SLC13A2: variants seen among roughly 807,000 people sequenced by gnomAD.
SLC13A2 encodes Na(+)-coupled citrate transporter.
A neutral mutation model predicts 58.5 loss-of-function variants in SLC13A2; 40 were observed. The observed-to-expected ratio is 0.68, with a 90% CI of 0.53 to 0.89. The LOEUF (loss-of-function observed/expected upper bound fraction) is 0.89. Ranked by LOEUF, SLC13A2 falls within the 40% of genes least tolerant of loss-of-function variation. The pLI is 0.00. For synonymous variants in SLC13A2, 341 were observed against 331.6 expected, an observed-to-expected ratio of 1.03 and a Z score of -0.31; for missense variants, 694 against 772.6, an observed-to-expected ratio of 0.90 and a Z score of 1.21.
At chr17:28,495,143 T>C (rs1422567242) in intron 9 of SLC13A2, among the ~76,000 whole-genome samples, 1 of 152,158 alleles carries the variant, frequency 6.6e-6, no homozygotes, top group Non-Finnish European at 1.5e-5. Context: ...CCTTACAGCC[T>C]GGCATTCCAG....
Position 28,494,153 on chromosome 17 carries a change from C to T in SLC13A2, c.1186+48C>T, listed in dbSNP as rs1555604180. The T allele has an allele frequency of 4.5e-6, 7 of 1,567,878 alleles. No homozygotes were observed. The highest frequency in any genetic ancestry group is 6.1e-6 in the Non-Finnish European group (7 of 1,138,752). On this transcript the variant is annotated intron_variant, in intron 8 of 11. Transcript: ENST00000314669. This position sits in a 1 kb window ranked among gnomAD's most constrained non-coding sequence, Gnocchi z 4.0. ...GGAAGGGTCTCCGGGCAGCCCCTGC[C>T]TTCAAGTATGTAATGTACCTTCCAC...
intron 1 of SLC13A2, among the ~76,000 whole-genome samples, chr17:28,485,941 C>T (rs1264149653): frequency 1.3e-5 from 2 of 152,024 alleles, no homozygotes; most frequent in African/African-American, 2.4e-5. Flanking sequence ...CTGCAGTCAG[C>T]CTTGATCACA....
chr17:28,495,922 C>T, intron 10 of SLC13A2, 106 bp downstream of exon 10: 1 of 1,371,598 alleles, frequency 7.3e-7, no homozygotes, highest in South Asian at 1.4e-5. Flanking sequence ...TCCTCTTTTC[C>T]TTTTCCTGAA....
chr17:28,495,964 C>T (rs1173187483), intron 10 of SLC13A2, 148 bp downstream of exon 10: 2 of 1,087,898 alleles, frequency 1.8e-6, no homozygotes, highest in African/African-American at 3.2e-5. Flanking sequence ...CTTCTCCAGG[C>T]TCTTGAGCCA....
In SLC13A2 at chr17:28,493,571, C is replaced by T. The variant is rs781878776; in HGVS notation, c.879C>T (p.Asn293=). The T allele has an allele frequency of 1.5e-5, 24 of 1,600,018 alleles. No homozygotes were observed. Among genetic ancestry groups the T allele is most frequent in the Non-Finnish European group, 2.1e-5 (24 of 1,170,234 alleles). Residue 293 remains asparagine (N), a splice_region_variant and synonymous_variant, in exon 7 of 12, where the codon AAC becomes AAT. Coordinates refer to ENST00000314669, the MANE Select transcript of SLC13A2 (RefSeq NM_003984.4). ...LWLQILFLGF[N]FRKNFGIGEK... ...AGCTGCCCCGTCCCTCTGCCTGCAG[C>T]TTCCGGAAGAACTTTGGCATTGGGG...
At position 28,494,681 on chromosome 17, in the gene SLC13A2, T is replaced by C. The variant is rs956226995; in HGVS notation, c.1308+169T>C. Among the ~76,000 whole-genome samples the C allele has an allele frequency of 6.6e-6, 1 of 152,000 alleles. No homozygotes were observed. The highest frequency in any genetic ancestry group is 1.5e-5 in the Non-Finnish European group (1 of 67,980). ...GGGAAGACTTAGGTTAGAGCCCTCATGTGGGAGGAAGAAACACAAGCCCTA... is the reference window on the plus strand; with the variant it reads ...GGGAAGACTTAGGTTAGAGCCCTCACGTGGGAGGAAGAAACACAAGCCCTA... On this transcript the variant is annotated intron_variant, in intron 9 of 11. Coordinates refer to ENST00000314669, the MANE Select transcript of SLC13A2 (RefSeq NM_003984.4). The surrounding 1 kb of genome is among the most constrained non-coding windows in gnomAD (Gnocchi z 4.0).
chr17:28,477,154 T>C (rs1370668592), intron 1 of SLC13A2, among the ~76,000 whole-genome samples: 2 of 149,042 alleles, frequency 1.3e-5, no homozygotes, highest in African/African-American at 4.9e-5. Context: ...AGCAAGACTC[T>C]ATCTCAAAAA....
chr17:28,477,951 G>A (rs1455071727), intron 1 of SLC13A2, among the ~76,000 whole-genome samples: 18 of 152,096 alleles, frequency 1.2e-4, no homozygotes, highest in African/African-American at 3.6e-4. Context: ...CCAGCTACTC[G>A]GGAGGCTGGG....
chr17:28,487,087 C>T (rs991948313), intron 1 of SLC13A2, among the ~76,000 whole-genome samples: 1 of 152,230 alleles, frequency 6.6e-6, no homozygotes, highest in South Asian at 2.1e-4. Context: ...CGTGAGCCGC[C>T]ATGCCCAGCC....
chr17:28,486,951 C>G (rs2068893680), intron 1 of SLC13A2, among the ~76,000 whole-genome samples: 1 of 152,152 alleles, frequency 6.6e-6, no homozygotes. Flanking sequence ...GTGCTCACCA[C>G]CACAACCAGC....
At chr17:28,493,499 G>T (rs2069069148) in intron 6 of SLC13A2, 72 bp from the exon 7 acceptor site, 1 of 1,300,704 alleles carries the variant, frequency 7.7e-7, no homozygotes, top group African/African-American at 1.5e-5. Context: ...CCTTTAGATG[G>T]TAGGCACTCA....
At position 28,496,528 on chromosome 17, in the gene SLC13A2, G is replaced by A; in HGVS notation, c.1549G>A (p.Val517Met). 6.2e-7 allele frequency: 1 copy of A among 1,613,654 alleles called. No individual in the cohort carries two copies. The highest frequency in any genetic ancestry group is 8.5e-7 in the Non-Finnish European group (1 of 1,179,778). Residue 517 changes from valine to methionine, a missense_variant, in exon 11 of 12, where the codon GTG becomes ATG. Val to Met is a conservative substitution (Grantham distance 21). Transcript: ENST00000314669. The surrounding 1 kb of genome is among the most constrained non-coding windows in gnomAD (Gnocchi z 4.2). ...CACCTCCCTGGCCTTCATGTTGCCT[G>A]TGGCCACCCCGCCCAATGCCATCGT... ...LATSLAFMLPVATPPNAIVFS... is the reference protein window; with the variant it reads ...LATSLAFMLPMATPPNAIVFS...
intron 1 of SLC13A2, among the ~76,000 whole-genome samples, chr17:28,481,063 G>A (rs1555601033): frequency 6.6e-6 from 1 of 152,198 alleles, no homozygotes; most frequent in Non-Finnish European, 1.5e-5. Context: ...ATCGGCACCT[G>A]CTAGGTGAAG....
intron 6 of SLC13A2, among the ~76,000 whole-genome samples, chr17:28,492,460 G>C (rs2069047569): frequency 6.6e-6 from 1 of 152,218 alleles, no homozygotes; most frequent in African/African-American, 2.4e-5. Flanking sequence ...GGTAGAGAAT[G>C]GGTGAAGAAA....
intron 1 of SLC13A2, among the ~76,000 whole-genome samples, chr17:28,482,005 GGTTTGTTTGTTT>G (rs372987612): frequency 1.3e-5 from 2 of 151,850 alleles, no homozygotes; most frequent in Non-Finnish European, 2.9e-5. Context: ...AAAAGTTAAG[GGTTTGTTTGTTT>G]GTTTGTTTGT....
At chr17:28,481,353 A>G (rs558874280) in intron 1 of SLC13A2, among the ~76,000 whole-genome samples, 84 of 152,344 alleles carry the variant, frequency 5.5e-4, no homozygotes, top group African/African-American at 1.9e-3. Flanking sequence ...GTGCAAATCA[A>G]TGAAGGACAC....
intron 1 of SLC13A2, among the ~76,000 whole-genome samples, chr17:28,487,246 G>T (rs782480824): frequency 1.3e-5 from 2 of 152,148 alleles, no homozygotes; most frequent in Non-Finnish European, 2.9e-5. Context: ...CACTCCACTG[G>T]TCACAGGGAG....
chr17:28,484,350 C>T (rs1438113876), intron 1 of SLC13A2, among the ~76,000 whole-genome samples: 3 of 152,040 alleles, frequency 2.0e-5, no homozygotes, highest in East Asian at 1.9e-4. Flanking sequence ...ATATCAACTA[C>T]GCAAAGTAGG....
chr17:28,494,098 G>A lies in SLC13A2; in HGVS notation c.1179G>A (p.Gln393=). Residue 393 remains glutamine (Q), a synonymous_variant, in exon 8 of 12, where the codon CAG becomes CAA. Coordinates refer to ENST00000314669, the MANE Select transcript of SLC13A2 (RefSeq NM_003984.4). The surrounding 1 kb of genome is among the most constrained non-coding windows in gnomAD (Gnocchi z 4.0). ...IIPSKFPGLT[Q]DPENPGKLKA... is the part of the protein sequence containing the mutation. ...CCTCCAAGTTCCCAGGGCTGACCCA[G>A]GACCCAGGTAAGCACCTGGACTGGG... is the stretch of plus-strand genomic sequence containing the variant. 2 of 1,614,138 alleles carry A rather than the reference G, an allele frequency of 1.2e-6. No individual in the cohort carries two copies. Among genetic ancestry groups the A allele is most frequent in the Non-Finnish European group, 1.7e-6 (2 of 1,179,980 alleles).
Sources: gnomAD v4.1 joint callset for allele counts (sites outside exome capture counted in the v4.1 genomes callset) on GRCh38, gnomAD v4.1.1 for gene constraint, Gnocchi (gnomAD v3.1) non-coding constraint, MANE v1.5 for transcripts, NCBI Gene and HGNC (gene_info 2026-07-23, HGNC 2026-07-21) for gene names.